Variants in SCAPER observed in about 807,000 individuals in gnomAD.
SCAPER encodes the protein S-phase cyclin A associated protein in the ER, also known as S phase cyclin A-associated protein in the endoplasmic reticulum.
In SCAPER, 98 loss-of-function variants were observed where a neutral mutation model predicts 182.2. That is an observed-to-expected ratio of 0.54 (90% confidence interval 0.46 to 0.64). The LOEUF is 0.64. Ranked by LOEUF, SCAPER falls within the 30% of genes least tolerant of loss-of-function variation. SCAPER has a pLI of 0.00. For synonymous variants in SCAPER, 605 were observed against 564.6 expected, an observed-to-expected ratio of 1.07 and a Z score of -1.01; for missense variants, 1,432 against 1,690.0, an observed-to-expected ratio of 0.85 and a Z score of 2.68.
intron 27 of SCAPER, among the ~76,000 whole-genome samples, chr15:76,389,536 G>A (rs1169128136): frequency 1.4e-4 from 20 of 139,558 alleles, no homozygotes; most frequent in Non-Finnish European, 2.3e-4. Context: ...AAAAAAGGCC[G>A]GGCGCGGTGG....
chr15:76,594,903 G>T (rs554444745), intron 22 of SCAPER, among the ~76,000 whole-genome samples: 1 of 121,336 alleles, frequency 8.2e-6, no homozygotes, highest in Admixed American at 9.4e-5. Flanking sequence ...TCAACACTAC[G>T]AAGAAATTGA....
chr15:76,412,912 C>T (rs1009500669), intron 26 of SCAPER, among the ~76,000 whole-genome samples: 9 of 151,922 alleles, frequency 5.9e-5, no homozygotes, highest in Admixed American at 3.3e-4. Context: ...TAATTTCTCT[C>T]GGTAATGCTT....
chr15:76,698,513 C>T (rs1422446668), intron 20 of SCAPER, among the ~76,000 whole-genome samples: 7 of 152,144 alleles, frequency 4.6e-5, no homozygotes, highest in African/African-American at 1.2e-4. Context: ...ACTTGAATGA[C>T]TATGATGCCT....
At chr15:76,833,976 G>A (rs1184069562) in intron 5 of SCAPER, among the ~76,000 whole-genome samples, 1 of 152,158 alleles carries the variant, frequency 6.6e-6, no homozygotes, top group Non-Finnish European at 1.5e-5. Flanking sequence ...AAGATATTAA[G>A]GACCTAAATT....
intron 21 of SCAPER, among the ~76,000 whole-genome samples, chr15:76,644,200 T>C (rs2054351131): frequency 6.6e-6 from 1 of 152,152 alleles, no homozygotes; most frequent in Non-Finnish European, 1.5e-5. Context: ...GAGCTGAGGC[T>C]ACATGGAATT....
At chr15:76,586,615 T>G (rs1023922467) in intron 22 of SCAPER, 12 of 153,230 alleles carry the variant, frequency 7.8e-5, no homozygotes, top group Non-Finnish European at 1.5e-4. Flanking sequence ...TGTATAAATG[T>G]GTGTGTGTAT....
intron 15 of SCAPER, among the ~76,000 whole-genome samples, chr15:76,749,919 AGCCAAAATAGCT>A (rs2061995532): frequency 6.6e-6 from 1 of 151,968 alleles, no homozygotes; most frequent in Non-Finnish European, 1.5e-5. Flanking sequence ...GATCTAAAAT[AGCCAAAATAGCT>A]CAGAAAAAAA....
chr15:76,459,294 C>T lies in SCAPER; in HGVS notation c.3078+11918G>A, dbSNP rs569051575. On this transcript the variant is annotated intron_variant, in intron 25 of 31. Transcript: ENST00000563290. Reference sequence around the variant, plus strand: ...ACGTAACGACTTCCAGTTCCATCTACGTTTTTGCAAATGACAGGATGTCAT... The same window carrying T: ...ACGTAACGACTTCCAGTTCCATCTATGTTTTTGCAAATGACAGGATGTCAT... Among the ~76,000 whole-genome samples, 22 of 152,274 alleles carry T rather than the reference C, an allele frequency of 1.4e-4. No homozygotes were observed. The South Asian group carries it at 1.5e-3, about 10-fold the overall frequency.
chr15:76,714,534 G>GGTGGTAGTAGTAGTA lies in SCAPER; in HGVS notation c.2166-8551_2166-8550insTACTACTACTACCAC, dbSNP rs981246284. On this transcript the variant is annotated intron_variant, in intron 17 of 31. Coordinates refer to ENST00000563290, the MANE Select transcript of SCAPER (RefSeq NM_020843.4). ...TGATTACCATTCTAGTAGTAGTAGT[G>GGTGGTAGTAGTAGTA]GTAGTAGTAGTAGTAGTAGTAGTAG... Among the ~76,000 whole-genome samples, 923 of 149,482 alleles carry GGTGGTAGTAGTAGTA rather than the reference G, an allele frequency of 6.2e-3. 6 individuals are homozygous for GGTGGTAGTAGTAGTA. Among genetic ancestry groups the GGTGGTAGTAGTAGTA allele is most frequent in the African/African-American group, 0.021 (871 of 40,646 alleles).
At position 76,526,384 on chromosome 15, in the gene SCAPER, A is replaced by T. The variant is rs548176195; in HGVS notation, c.2839-21410T>A. ...TGTACATTTTACATAATCTGTCTCT[A>T]CTCTAGTAGTTTAAAGTATTTTCTT... On this transcript the variant is annotated intron_variant, in intron 23 of 31. Coordinates refer to ENST00000563290, the MANE Select transcript of SCAPER (RefSeq NM_020843.4). Among the ~76,000 whole-genome samples the T allele has an allele frequency of 2.0e-5, 3 of 152,062 alleles. No individual in the cohort carries two copies. The South Asian group carries it at 6.2e-4, about 32-fold the overall frequency.
intron 17 of SCAPER, among the ~76,000 whole-genome samples, chr15:76,713,898 A>G (rs542094553): frequency 6.6e-6 from 1 of 152,196 alleles, no homozygotes; most frequent in Non-Finnish European, 1.5e-5. Context: ...ACTCAAGAGA[A>G]GCAAAAGTGA....
At chr15:76,427,217 G>A (rs2046499407) in intron 26 of SCAPER, among the ~76,000 whole-genome samples, 1 of 152,098 alleles carries the variant, frequency 6.6e-6, no homozygotes, top group African/African-American at 2.4e-5. Flanking sequence ...AATAGACAAA[G>A]GGGATTATAT....
At chr15:76,523,241 G>GTTTTAAA (rs2042954525) in intron 23 of SCAPER, among the ~76,000 whole-genome samples, 1 of 152,046 alleles carries the variant, frequency 6.6e-6, no homozygotes, top group African/African-American at 2.4e-5. Context: ...GAGTTATAAA[G>GTTTTAAA]TTTTAAATAA....
At chr15:76,868,878 C>T (rs1382539632) in intron 2 of SCAPER, among the ~76,000 whole-genome samples, 1 of 152,054 alleles carries the variant, frequency 6.6e-6, no homozygotes, top group Non-Finnish European at 1.5e-5. Flanking sequence ...TACCTGACTA[C>T]AGTAACAAAA....
intron 26 of SCAPER, among the ~76,000 whole-genome samples, chr15:76,433,780 T>C (rs904450539): frequency 6.6e-6 from 1 of 152,230 alleles, no homozygotes; most frequent in East Asian, 1.9e-4. Flanking sequence ...TCATTGAGCA[T>C]GTATTACTTT....
At chr15:76,624,781 G>A (rs1428732372) in intron 21 of SCAPER, among the ~76,000 whole-genome samples, 2 of 152,204 alleles carry the variant, frequency 1.3e-5, no homozygotes, top group African/African-American at 4.8e-5. Context: ...TGATACCGGC[G>A]TTAGCAGGTC....
intron 8 of SCAPER, among the ~76,000 whole-genome samples, chr15:76,776,282 A>G (rs1321223627): frequency 1.3e-5 from 2 of 152,146 alleles, no homozygotes; most frequent in African/African-American, 4.8e-5. Flanking sequence ...ACAAAACAGA[A>G]AATCTCTTTA....
At chr15:76,846,346 G>C (rs979356538) in intron 4 of SCAPER, among the ~76,000 whole-genome samples, 1 of 150,774 alleles carries the variant, frequency 6.6e-6, no homozygotes, top group Non-Finnish European at 1.5e-5. Flanking sequence ...GTACAAATGG[G>C]ATCACATCAA....
In SCAPER at chr15:76,856,750, C is replaced by T. The variant is rs8042008; in HGVS notation, c.195+1059G>A. Reference sequence around the variant, plus strand: ...AGGCACAGTGGTGTACACTTGTGGTCCCAGCCACTCTGGAGGCTGAGGTGG... The same window carrying T: ...AGGCACAGTGGTGTACACTTGTGGTTCCAGCCACTCTGGAGGCTGAGGTGG... On this transcript the variant is annotated intron_variant, in intron 4 of 31. Coordinates refer to ENST00000563290, the MANE Select transcript of SCAPER (RefSeq NM_020843.4). 7.5e-3 allele frequency among the ~76,000 whole-genome samples: 1,136 copies of T among 152,032 alleles called. 16 individuals carry two copies. Among genetic ancestry groups the T allele is most frequent in the African/African-American group, 0.026 (1,083 of 41,492 alleles).
Sources: allele counts gnomAD v4.1 joint callset (sites outside exome capture counted in the v4.1 genomes callset), GRCh38; gene constraint gnomAD v4.1.1; transcripts MANE v1.5; gene names NCBI Gene and HGNC (gene_info 2026-07-23, HGNC 2026-07-21).